The following NRXN1 variants were observed in gnomAD, a reference collection of about 807,000 sequenced individuals.
The protein encoded by NRXN1 is neurexin-1.
A neutral mutation model predicts 150.9 loss-of-function variants in NRXN1; 39 were observed. That is an observed-to-expected ratio of 0.26 (90% CI 0.20 to 0.34). The LOEUF (loss-of-function observed/expected upper bound fraction) is 0.34. Ranked by LOEUF, NRXN1 falls within the 10% of genes least tolerant of loss-of-function variation. NRXN1 has a pLI of 1.00. For missense variants in NRXN1, 1,815 were observed against 1,949.9 expected (o/e 0.93, Z 1.30); for synonymous variants, 924 against 757.0 (o/e 1.22, Z -3.62).
At chr2:50,414,172 G>A (rs945702359) in intron 17 of NRXN1, among the ~76,000 whole-genome samples, 3 of 152,046 alleles carry the variant, frequency 2.0e-5, no homozygotes, top group African/African-American at 7.2e-5. Context: ...TAGCTGCATT[G>A]TACATTTTAA....
At chr2:50,113,805 G>A (rs1488139997) in intron 18 of NRXN1, among the ~76,000 whole-genome samples, 19 of 152,178 alleles carry the variant, frequency 1.2e-4, no homozygotes, top group Admixed American at 1.1e-3. Context: ...CACTAGATTT[G>A]GGCCTTCCTA....
At chr2:49,969,387 T>C (rs867301911) in intron 21 of NRXN1, among the ~76,000 whole-genome samples, 1 of 152,028 alleles carries the variant, frequency 6.6e-6, no homozygotes, top group Non-Finnish European at 1.5e-5. Flanking sequence ...AGTTCATACA[T>C]GGAAAATTGA....
At chr2:50,995,028 T>C (rs142747749) in intron 2 of NRXN1, among the ~76,000 whole-genome samples, 2 of 152,136 alleles carry the variant, frequency 1.3e-5, no homozygotes, top group East Asian at 1.9e-4. Context: ...ACATTGAATA[T>C]AAAAGATCAT....
chr2:50,906,733 AC>A (rs1683738025), intron 5 of NRXN1, among the ~76,000 whole-genome samples: 2 of 152,026 alleles, frequency 1.3e-5, no homozygotes, highest in Admixed American at 1.3e-4. Context: ...TCTCTTACAT[AC>A]TTACATTATG....
chr2:50,356,868 A>G (rs1377196009), intron 17 of NRXN1, among the ~76,000 whole-genome samples: 2 of 152,218 alleles, frequency 1.3e-5, no homozygotes, highest in East Asian at 3.8e-4. Context: ...TTTTAAATGA[A>G]CTAGTTTACC....
intron 15 of NRXN1, among the ~76,000 whole-genome samples, chr2:50,482,858 G>A (rs2090572957): frequency 6.6e-6 from 1 of 151,682 alleles, no homozygotes; most frequent in African/African-American, 2.4e-5. Flanking sequence ...CACTTTGGGA[G>A]GCTGTGGCGG....
chr2:49,990,906 C>T (rs1681823445), intron 21 of NRXN1, among the ~76,000 whole-genome samples: 1 of 152,112 alleles, frequency 6.6e-6, no homozygotes, highest in Non-Finnish European at 1.5e-5. Flanking sequence ...TTGCAGTTAA[C>T]TCAGTGGTGG....
chr2:50,538,567 T>C lies in NRXN1; in HGVS notation c.1829A>G (p.Asp610Gly). The change falls in exon 10 of 23, where the codon GAT (aspartate) becomes GGT (glycine). Residue 610 changes from aspartate to glycine, a missense_variant. Physicochemically the swap from Asp to Gly is moderately conservative, Grantham distance 94. This residue lies in a region of NRXN1 where 638 missense variants were observed against 652.6 expected (regional missense o/e 0.98). Transcript: ENST00000401669. ...APGESEILDL[D>G]DELYLGGLPE... is the part of the protein sequence containing the mutation. ...CAGCCCCCCCAGGTACAACTCATCA[T>C]CCAGGTCCAGAATCTCACTCTCACC... The C allele has an allele frequency of 1.3e-6, 2 of 1,566,988 alleles. No individual in the cohort carries two copies. Among genetic ancestry groups the C allele is most frequent in the Non-Finnish European group, 1.7e-6 (2 of 1,155,056 alleles).
chr2:51,017,066 G>C (rs553338747), intron 2 of NRXN1, among the ~76,000 whole-genome samples: 197 of 151,696 alleles, frequency 1.3e-3, no homozygotes, highest in African/African-American at 4.3e-3. Flanking sequence ...AGAACACATG[G>C]ACACAGGGAG....
intron 12 of NRXN1, among the ~76,000 whole-genome samples, chr2:50,511,233 G>T (rs950004944): frequency 1.3e-5 from 2 of 151,974 alleles, no homozygotes; most frequent in Admixed American, 6.6e-5. Flanking sequence ...GCTAATTTTT[G>T]TATTTTAATA....
At chr2:50,759,444 T>C (rs1701538047) in intron 5 of NRXN1, among the ~76,000 whole-genome samples, 1 of 151,902 alleles carries the variant, frequency 6.6e-6, no homozygotes. Flanking sequence ...AATCGGGCAC[T>C]AATTCTGCTA....
intron 12 of NRXN1, among the ~76,000 whole-genome samples, chr2:50,514,195 C>G (rs547049069): frequency 6.6e-6 from 1 of 152,230 alleles, no homozygotes; most frequent in Admixed American, 6.5e-5. Context: ...TAACAAATTG[C>G]ACAGATGATG....
chr2:50,647,684 C>G (rs1469772857), intron 5 of NRXN1, among the ~76,000 whole-genome samples: 2 of 151,854 alleles, frequency 1.3e-5, no homozygotes, highest in Admixed American at 1.3e-4. Context: ...GGGACAAGAA[C>G]AAAAATTTGT....
intron 2 of NRXN1, among the ~76,000 whole-genome samples, chr2:50,949,553 C>T (rs1279055397): frequency 1.3e-5 from 2 of 152,050 alleles, no homozygotes; most frequent in African/African-American, 4.8e-5. Flanking sequence ...AAAAATCATT[C>T]TCACTCTCAT....
intron 16 of NRXN1, among the ~76,000 whole-genome samples, chr2:50,469,551 T>C (rs1379497007): frequency 6.6e-6 from 1 of 151,506 alleles, no homozygotes; most frequent in East Asian, 1.9e-4. Flanking sequence ...GACATAACAA[T>C]CTTTAGAAAG....
intron 5 of NRXN1, among the ~76,000 whole-genome samples, chr2:50,772,379 TATAA>T (rs1703114130): frequency 6.6e-6 from 1 of 151,752 alleles, no homozygotes; most frequent in Admixed American, 6.6e-5. Flanking sequence ...TGCTAGGTGC[TATAA>T]AGATTAAAAT....
intron 18 of NRXN1, among the ~76,000 whole-genome samples, chr2:50,103,749 C>G (rs1013157354): frequency 6.6e-6 from 1 of 151,920 alleles, no homozygotes; most frequent in African/African-American, 2.4e-5. Context: ...TCATCCCTTC[C>G]CATTGTTTGC....
At chr2:50,388,674 A>G (rs1269012428) in intron 17 of NRXN1, among the ~76,000 whole-genome samples, 5 of 152,092 alleles carry the variant, frequency 3.3e-5, no homozygotes, top group African/African-American at 1.2e-4. Context: ...ATTCCATTCA[A>G]TTATATTGAA....
At chr2:50,250,231 T>C (rs2152897124) in intron 17 of NRXN1, among the ~76,000 whole-genome samples, 1 of 152,268 alleles carries the variant, frequency 6.6e-6, no homozygotes, top group African/African-American at 2.4e-5. Flanking sequence ...ACCAACCCTG[T>C]ACTTCAAGCA....
Sources: allele counts gnomAD v4.1 joint callset (sites outside exome capture counted in the v4.1 genomes callset), GRCh38; gene constraint gnomAD v4.1.1; regional missense constraint gnomAD v4.1.1; transcripts MANE v1.5; gene names NCBI Gene and HGNC (gene_info 2026-07-23, HGNC 2026-07-21).